Variants in TNFAIP8 observed in about 807,000 individuals in gnomAD.
TNFAIP8 encodes TNF alpha induced protein 8.
Under a neutral mutation model 13.3 loss-of-function variants are expected in TNFAIP8, and 7 were observed. That is an observed-to-expected ratio of 0.52 (90% CI 0.30 to 0.99). The LOEUF is 0.99. TNFAIP8 is among the 50% of genes least tolerant of loss of function. The probability of loss-of-function intolerance (pLI) is 0.07; values close to 1 mark genes in which losing one functional copy is unlikely to be tolerated. For missense variants in TNFAIP8, 258 were observed against 236.9 expected (o/e 1.09, Z -0.58); for synonymous variants, 94 against 87.6 (o/e 1.07, Z -0.41).
In TNFAIP8 at chr5:119,310,823, CCAAT is replaced by C. The variant is rs60315927; in HGVS notation, c.1+41941_1+41944del. On this transcript the variant is annotated intron_variant, in intron 1 of 1. Transcript: ENST00000274456. ...GCTTGGGTGACAGATCGAGACTCCA[CCAAT>C]CAATCAATCAATCAATCAATCAATA... is the stretch of plus-strand genomic sequence containing the variant. Among the ~76,000 whole-genome samples, 570 of 151,914 alleles carry C rather than the reference CCAAT, an allele frequency of 3.8e-3. 2 individuals carry two copies. The highest frequency in any genetic ancestry group is 8.4e-3 in the African/African-American group (349 of 41,416).
chr5:119,301,125 A>G (rs967094435), intron 1 of TNFAIP8, among the ~76,000 whole-genome samples: 2 of 152,182 alleles, frequency 1.3e-5, no homozygotes, highest in Non-Finnish European at 2.9e-5. Flanking sequence ...CTTGCCACCC[A>G]GTTGCATTAC....
chr5:119,293,042 G>C (rs1042210617), intron 1 of TNFAIP8, among the ~76,000 whole-genome samples: 1 of 151,910 alleles, frequency 6.6e-6, no homozygotes, highest in African/African-American at 2.4e-5. Context: ...CCAATGGCAG[G>C]AGTCCTTTTT....
At chr5:119,373,792 C>G (rs1752176906) in intron 1 of TNFAIP8, among the ~76,000 whole-genome samples, 1 of 152,138 alleles carries the variant, frequency 6.6e-6, no homozygotes, top group African/African-American at 2.4e-5. Flanking sequence ...AAATTAGTTC[C>G]TTTTCAGTGT....
chr5:119,278,733 G>T (rs1201320220), intron 1 of TNFAIP8, among the ~76,000 whole-genome samples: 1 of 152,116 alleles, frequency 6.6e-6, no homozygotes, highest in African/African-American at 2.4e-5. Context: ...AATAATCCCA[G>T]GTTTCATTGG....
intron 1 of TNFAIP8, among the ~76,000 whole-genome samples, chr5:119,361,042 C>A (rs962404709): frequency 6.6e-6 from 1 of 152,166 alleles, no homozygotes; most frequent in African/African-American, 2.4e-5. Flanking sequence ...TGGGTACAGA[C>A]ACTCTTCCTT....
upstream of TNFAIP8, chr5:119,355,917 C>G: frequency 7.4e-7 from 1 of 1,343,094 alleles, no homozygotes; most frequent in South Asian, 1.4e-5. Flanking sequence ...GCAGAACTTT[C>G]CCCCTGAAAA....
intron 1 of TNFAIP8, among the ~76,000 whole-genome samples, chr5:119,287,657 A>G (rs1055240934): frequency 6.6e-6 from 1 of 152,172 alleles, no homozygotes; most frequent in Non-Finnish European, 1.5e-5. Flanking sequence ...TCTAGGAAGT[A>G]ACTCAGTTTT....
chr5:119,282,777 GGCCCTTTCTTCCTTCCT>G (rs1229497858), intron 1 of TNFAIP8, among the ~76,000 whole-genome samples: 4 of 152,162 alleles, frequency 2.6e-5, no homozygotes, highest in Admixed American at 6.5e-5. Context: ...TGCCCAGACA[GGCCCTTTCTTCCTTCCT>G]GCCCTTTCCT....
upstream of TNFAIP8, among the ~76,000 whole-genome samples, chr5:119,353,664 GCGCTTGAA>G (rs1751265455): frequency 6.6e-6 from 1 of 152,182 alleles, no homozygotes; most frequent in Non-Finnish European, 1.5e-5. Flanking sequence ...GGCTGACGGA[GCGCTTGAA>G]CTATTCATTC....
intron 1 of TNFAIP8, among the ~76,000 whole-genome samples, chr5:119,324,055 T>C (rs188713801): frequency 4.0e-5 from 6 of 151,796 alleles, no homozygotes; most frequent in African/African-American, 1.2e-4. Context: ...TAAAAAAGAA[T>C]AGAGAATATT....
At chr5:119,277,057 AAT>A (rs1362934391) in intron 1 of TNFAIP8, among the ~76,000 whole-genome samples, 1 of 152,268 alleles carries the variant, frequency 6.6e-6, no homozygotes, top group Non-Finnish European at 1.5e-5. Context: ...CAATTATAAC[AAT>A]ATATTGTAAT....
At position 119,395,720 on chromosome 5, in the gene TNFAIP8, A is replaced by G. The variant is rs1753057622; in HGVS notation, c.*2339A>G. 6.6e-6 allele frequency: 1 copy of G among 152,210 alleles called. No homozygotes were observed. Among genetic ancestry groups the G allele is most frequent in the African/African-American group, 2.4e-5 (1 of 41,438 alleles). 9.4% of individuals were successfully genotyped at this position (152,210 alleles called of 1,614,324 possible). A position where few individuals can be genotyped will look rare whatever the true frequency, so the allele number is the denominator to read the frequency against. On this transcript the variant is annotated 3_prime_UTR_variant, in exon 2 of 2. Transcript: ENST00000504771. ...GATCAGGTCCAAAGTCGTGATTAGC[A>G]AGTTCATTTCTAATACAATAGGACT...
intron 1 of TNFAIP8, among the ~76,000 whole-genome samples, chr5:119,339,663 C>G (rs1387629246): frequency 6.6e-6 from 1 of 151,926 alleles, no homozygotes; most frequent in Non-Finnish European, 1.5e-5. Context: ...TAAAGCATCA[C>G]CAAGGTACTA....
intron 1 of TNFAIP8, among the ~76,000 whole-genome samples, chr5:119,297,976 C>G (rs1749232291): frequency 6.6e-6 from 1 of 152,150 alleles, no homozygotes; most frequent in African/African-American, 2.4e-5. Context: ...TTCCTCCATC[C>G]TTTTATTTTG....
chr5:119,351,756 TTTTTTC>T (rs1256296778), upstream of TNFAIP8, among the ~76,000 whole-genome samples: 1 of 151,970 alleles, frequency 6.6e-6, no homozygotes, highest in African/African-American at 2.4e-5. Flanking sequence ...TACAATTTTC[TTTTTTC>T]TTTTTCTTTT....
intron 1 of TNFAIP8, among the ~76,000 whole-genome samples, chr5:119,286,163 G>A (rs1748770603): frequency 6.6e-6 from 1 of 152,200 alleles, no homozygotes; most frequent in Admixed American, 6.5e-5. Context: ...TGTAAAAAGT[G>A]CATGCTGAGA....
chr5:119,384,233 C>G (rs1393753203), intron 1 of TNFAIP8, among the ~76,000 whole-genome samples: 1 of 152,118 alleles, frequency 6.6e-6, no homozygotes, highest in East Asian at 1.9e-4. Context: ...GCCTGTAATC[C>G]TAGCACTTTG....
intron 1 of TNFAIP8, among the ~76,000 whole-genome samples, chr5:119,313,070 A>T (rs1749782927): frequency 6.6e-6 from 1 of 152,202 alleles, no homozygotes; most frequent in African/African-American, 2.4e-5. Context: ...CTCAATGAAG[A>T]TGGGGAAGAA....
intron 1 of TNFAIP8, among the ~76,000 whole-genome samples, chr5:119,342,555 A>G (rs546132836): frequency 1.3e-5 from 2 of 152,142 alleles, no homozygotes; most frequent in Non-Finnish European, 2.9e-5. Flanking sequence ...TACTCTCTCA[A>G]CTTACTCCCT....
Sources: gnomAD v4.1 joint callset for allele counts (sites outside exome capture counted in the v4.1 genomes callset) on GRCh38, gnomAD v4.1.1 for gene constraint, MANE v1.5 for transcripts, NCBI Gene and HGNC (gene_info 2026-07-23, HGNC 2026-07-21) for gene names.